RBM15B: variants seen among roughly 807,000 people sequenced by gnomAD.
RBM15B encodes RNA binding motif protein 15B, also known as putative RNA-binding protein 15B.
RBM15B carries 11 observed loss-of-function variants against 53.3 expected under a neutral mutation model. The ratio of observed to expected loss-of-function variants is 0.21; its 90% confidence interval spans 0.13 to 0.34. The LOEUF is 0.34. Among genes scored for constraint, RBM15B ranks in the 10% least tolerant of loss-of-function variants. The probability of loss-of-function intolerance (pLI) is 1.00; values close to 1 mark genes in which losing one functional copy is unlikely to be tolerated. For synonymous variants in RBM15B, 631 were observed against 540.7 expected (o/e 1.17, Z -2.32); for missense variants, 1,136 against 1,250.3 (o/e 0.91, Z 1.38).
rs553512814 is a variant in RBM15B at position 51,396,277 on chromosome 3, C to T, written c.*2205C>T. ...TCAACCTTTGCCTTATCCAACCCCTCTTCAGAGAAAGGTGTCCCATGGCCC... is the reference window on the plus strand; with the variant it reads ...TCAACCTTTGCCTTATCCAACCCCTTTTCAGAGAAAGGTGTCCCATGGCCC... On this transcript the variant is annotated 3_prime_UTR_variant, in exon 1 of 1. Coordinates refer to ENST00000563281, the MANE Select transcript of RBM15B (RefSeq NM_013286.5). 3 of 208,360 alleles carry T rather than the reference C, an allele frequency of 1.4e-5. No homozygotes were observed. In the South Asian group the frequency reaches 5.8e-4, roughly 40 times the overall value. 12.9% of individuals were successfully genotyped at this position (208,360 alleles called of 1,614,324 possible).
chr3:51,393,923 G>A lies in RBM15B; in HGVS notation c.2524G>A (p.Gly842Arg), dbSNP rs782415355. The change falls in exon 1 of 1, where the codon GGG becomes AGG. Residue 842 changes from glycine (G) to arginine (R), a missense_variant. By Grantham distance (125) the Gly-to-Arg change is moderately radical. Coordinates refer to ENST00000563281, the MANE Select transcript of RBM15B (RefSeq NM_013286.5). This position sits in a 1 kb window ranked among gnomAD's most constrained non-coding sequence, Gnocchi z 5.6. ...CGCAGGGGTGATCAGCTTGCCAGTGGGGGGGTCCAAGGGCAGAGACGGCAC... is the reference window on the plus strand; with the variant it reads ...CGCAGGGGTGATCAGCTTGCCAGTGAGGGGGTCCAAGGGCAGAGACGGCAC... ...QAAGVISLPVGGSKGRDGTGM... is the reference protein window; with the variant it reads ...QAAGVISLPVRGSKGRDGTGM... The A allele has an allele frequency of 1.6e-5, 25 of 1,539,256 alleles. No homozygotes were observed. The highest frequency in any genetic ancestry group is 2.2e-5 in the Non-Finnish European group (25 of 1,144,460).
Position 51,393,465 on chromosome 3 carries a change from G to A in RBM15B, c.2066G>A (p.Arg689Gln). Residue 689 changes from arginine to glutamine, a missense_variant, in exon 1 of 1, where the codon CGG becomes CAG. By Grantham distance (43) the Arg-to-Gln change is conservative (BLOSUM62 1). Transcript: ENST00000563281. This position sits in a 1 kb window ranked among gnomAD's most constrained non-coding sequence, Gnocchi z 5.6. The stretch of plus-strand genomic sequence containing the variant: ...GCAAGAGACAGCGAGCGCAATCACC[G>A]GACCACAGAGGCCGAGCCCAAGCCT... ...KKARDSERNH[R>Q]TTEAEPKPLE... The A allele has an allele frequency of 1.9e-6, 3 of 1,613,846 alleles. No homozygotes were observed. The highest frequency in any genetic ancestry group is 2.5e-6 in the Non-Finnish European group (3 of 1,179,946).
At position 51,393,499 on chromosome 3, in the gene RBM15B, G is replaced by C; in HGVS notation, c.2100G>C (p.Glu700Asp). Reference protein sequence around the residue: ...TTEAEPKPLEEPKHETKKLKN... With the variant: ...TTEAEPKPLEDPKHETKKLKN... ...AGGCCGAGCCCAAGCCTCTGGAAGA[G>C]CCAAAACACGAGACCAAAAAGCTGA... is the stretch of plus-strand genomic sequence containing the variant. Residue 700 changes from glutamate (E) to aspartate (D), a missense_variant, in exon 1 of 1, where the codon GAG (glutamate) becomes GAC (aspartate). By Grantham distance (45) the Glu-to-Asp change is conservative. This residue lies in a region of RBM15B where 578 missense variants were observed against 581.6 expected (regional missense o/e 0.99). Transcript: ENST00000563281. This position sits in a 1 kb window ranked among gnomAD's most constrained non-coding sequence, Gnocchi z 5.6. The C allele has an allele frequency of 6.2e-7, 1 of 1,614,102 alleles. No homozygotes were observed.
Position 51,396,067 on chromosome 3 carries a change from A to G in RBM15B, c.*1995A>G, listed in dbSNP as rs566744019. The G allele has an allele frequency of 4.9e-6, 2 of 411,422 alleles. No individual in the cohort carries two copies. Among genetic ancestry groups the G allele is most frequent in the South Asian group, 1.4e-4 (1 of 7,018 alleles). The allele number at this position is 411,422 out of a possible 1,614,324, so 25.5% of individuals were successfully genotyped here. ...GTGGTTTTCCTGCAGCTCTCCAACAAACGCCTGAGTCACAGGCCAGAGCTG... is the reference window on the plus strand; with the variant it reads ...GTGGTTTTCCTGCAGCTCTCCAACAGACGCCTGAGTCACAGGCCAGAGCTG... On this transcript the variant is annotated 3_prime_UTR_variant, in exon 1 of 1. Coordinates refer to ENST00000563281, the MANE Select transcript of RBM15B (RefSeq NM_013286.5).
In RBM15B at chr3:51,392,002, G is replaced by T; in HGVS notation, c.603G>T (p.Leu201=). The T allele has an allele frequency of 5.0e-6, 8 of 1,598,668 alleles. No individual in the cohort carries two copies. Among genetic ancestry groups the T allele is most frequent in the Non-Finnish European group, 5.1e-6 (6 of 1,178,064 alleles). ...QDAREARQHA[L]ARQLLLYDRP... The stretch of plus-strand genomic sequence containing the variant: ...CACGCGAGGCCCGCCAGCACGCCCT[G>T]GCCCGGCAGCTGCTGCTCTACGACC... Residue 201 remains leucine (L), a synonymous_variant, in exon 1 of 1, where the codon CTG becomes CTT. Coordinates refer to ENST00000563281, the MANE Select transcript of RBM15B (RefSeq NM_013286.5). This position sits in a 1 kb window ranked among gnomAD's most constrained non-coding sequence, Gnocchi z 7.5.
rs1553621680 is a variant in RBM15B, at chr3:51,392,161, G to A, written c.762G>A (p.Pro254=). 2.0e-6 allele frequency: 3 copies of A among 1,536,790 alleles called. No individual in the cohort carries two copies. Among genetic ancestry groups the A allele is most frequent in the Admixed American group, 2.0e-5 (1 of 50,920 alleles). Reference sequence around the variant, plus strand: ...CCGCCGACCCGCTCGGCTACCTCCCGCTACACGGAGGCTACCAGTACAAGC... The same window carrying A: ...CCGCCGACCCGCTCGGCTACCTCCCACTACACGGAGGCTACCAGTACAAGC... The part of the protein sequence containing the change: ...PAPADPLGYL[P]LHGGYQYKQR... Residue 254 remains proline, a synonymous_variant, in exon 1 of 1, where the codon CCG becomes CCA. Transcript: ENST00000563281. The surrounding 1 kb of genome is among the most constrained non-coding windows in gnomAD (Gnocchi z 7.5).
rs1297592395 is a variant in RBM15B at position 51,393,239 on chromosome 3, C to T, written c.1840C>T (p.Arg614Trp). The change falls in exon 1 of 1, where the codon CGG becomes TGG. Residue 614 changes from arginine (R) to tryptophan (W), a missense_variant. Coordinates refer to ENST00000563281, the MANE Select transcript of RBM15B (RefSeq NM_013286.5). This position sits in a 1 kb window ranked among gnomAD's most constrained non-coding sequence, Gnocchi z 5.6. Reference sequence around the variant, plus strand: ...GACAACCCATTCACCATATGAGGAACGGAGTAGGACCAAGGGCAGTGGGCA... The same window carrying T: ...GACAACCCATTCACCATATGAGGAATGGAGTAGGACCAAGGGCAGTGGGCA... Reference protein sequence around the residue: ...GRTTHSPYEERSRTKGSGQQS... With the variant: ...GRTTHSPYEEWSRTKGSGQQS... The T allele has an allele frequency of 2.3e-5, 37 of 1,613,592 alleles. No homozygotes were observed. The highest frequency in any genetic ancestry group is 2.7e-5 in the Non-Finnish European group (32 of 1,179,806).
chr3:51,393,138 C>T lies in RBM15B; in HGVS notation c.1739C>T (p.Ala580Val), dbSNP rs140480557. ...AGCCGGAGTGGTGAGCGTTGGGGGG[C>T]AGATGGAGACCGTGGTTTGCCCAAG... ...VRSRSGERWG[A>V]DGDRGLPKPW... The change falls in exon 1 of 1, where the codon GCA becomes GTA. Residue 580 changes from alanine (A) to valine (V), a missense_variant. By Grantham distance (64) the Ala-to-Val change is moderately conservative. Around this residue, in one of 7 missense-constraint regions of RBM15B, gnomAD observed 578 missense variants for 581.6 expected, o/e 0.99. Coordinates refer to ENST00000563281, the MANE Select transcript of RBM15B (RefSeq NM_013286.5). This position sits in a 1 kb window ranked among gnomAD's most constrained non-coding sequence, Gnocchi z 5.6. 1.6e-5 allele frequency: 26 copies of T among 1,613,858 alleles called. No individual in the cohort carries two copies. The highest frequency in any genetic ancestry group is 2.2e-5 in the Non-Finnish European group (26 of 1,179,962).
chr3:51,392,184 A>G lies in RBM15B; in HGVS notation c.785A>G (p.Lys262Arg), dbSNP rs1417884314. ...CCGCTACACGGAGGCTACCAGTACAAGCAGCGCTCGCTGTCCCCCGTCGCT... is the reference window on the plus strand; with the variant it reads ...CCGCTACACGGAGGCTACCAGTACAGGCAGCGCTCGCTGTCCCCCGTCGCT... ...YLPLHGGYQY[K>R]QRSLSPVAAP... Residue 262 changes from lysine (K) to arginine (R), a missense_variant, in exon 1 of 1, where the codon AAG (lysine) becomes AGG (arginine). This residue lies in a region of RBM15B where 204 missense variants were observed against 196.8 expected (regional missense o/e 1.04). Coordinates refer to ENST00000563281, the MANE Select transcript of RBM15B (RefSeq NM_013286.5). The surrounding 1 kb of genome is among the most constrained non-coding windows in gnomAD (Gnocchi z 7.5). The G allele has an allele frequency of 1.3e-5, 20 of 1,540,008 alleles. No individual in the cohort carries two copies. Among genetic ancestry groups the G allele is most frequent in the Non-Finnish European group, 1.7e-5 (20 of 1,147,704 alleles).
Position 51,391,609 on chromosome 3 carries a change from C to T in RBM15B, c.210C>T (p.Gly70=). ...SGSGGGGHRD[G]RGTGDANHRA... ...GCGGCGGGGGCGGGCATCGCGACGG[C>T]CGCGGCACCGGGGACGCGAATCACC... is the stretch of plus-strand genomic sequence containing the variant. Residue 70 remains glycine (G), a synonymous_variant, in exon 1 of 1, where the codon GGC becomes GGT. Transcript: ENST00000563281. This position sits in a 1 kb window ranked among gnomAD's most constrained non-coding sequence, Gnocchi z 4.5. 1 of 1,181,370 alleles carries T rather than the reference C, an allele frequency of 8.5e-7. No homozygotes were observed. The highest frequency in any genetic ancestry group is 1.0e-6 in the Non-Finnish European group (1 of 955,930). 73.2% of individuals were successfully genotyped at this position (1,181,370 alleles called of 1,614,324 possible). A position where few individuals can be genotyped will look rare whatever the true frequency, so the allele number is the denominator to read the frequency against.
chr3:51,397,503 A>G lies in RBM15B; in HGVS notation c.*3431A>G, dbSNP rs1413107866. ...CTTAGCTTTGCCAACTCCATCCTCCAAAACTTCCCAGAATACCTCCCTTTC... is the reference window on the plus strand; with the variant it reads ...CTTAGCTTTGCCAACTCCATCCTCCGAAACTTCCCAGAATACCTCCCTTTC... On this transcript the variant is annotated 3_prime_UTR_variant, in exon 1 of 1. Coordinates refer to ENST00000563281, the MANE Select transcript of RBM15B (RefSeq NM_013286.5). 6.0e-6 allele frequency: 1 copy of G among 167,120 alleles called. No homozygotes were observed. Among genetic ancestry groups the G allele is most frequent in the Non-Finnish European group, 1.5e-5 (1 of 68,136 alleles). The allele number at this position is 167,120 out of a possible 1,614,324, so 10.4% of individuals were successfully genotyped here.
Position 51,392,443 on chromosome 3 carries a change from A to T in RBM15B, c.1044A>T (p.Val348=), listed in dbSNP as rs782034228. ...TCATTGGTAACCTGGACCACAGCGTATCTGAGGTGGAGCTGCGAAGGGCCT... is the reference window on the plus strand; with the variant it reads ...TCATTGGTAACCTGGACCACAGCGTTTCTGAGGTGGAGCTGCGAAGGGCCT... ...NLFIGNLDHS[V]SEVELRRAFE... Residue 348 remains valine (V), a synonymous_variant, in exon 1 of 1, where the codon GTA becomes GTT. Coordinates refer to ENST00000563281, the MANE Select transcript of RBM15B (RefSeq NM_013286.5). This position sits in a 1 kb window ranked among gnomAD's most constrained non-coding sequence, Gnocchi z 7.5. 6.2e-7 allele frequency: 1 copy of T among 1,614,014 alleles called. No individual in the cohort carries two copies. Among genetic ancestry groups the T allele is most frequent in the Non-Finnish European group, 8.5e-7 (1 of 1,180,032 alleles).
Position 51,391,894 on chromosome 3 carries a change from C to T in RBM15B, c.495C>T (p.Arg165=), listed in dbSNP as rs2089043884. Reference sequence around the variant, plus strand: ...ACCGGCTCTTCCACCAGTTCAAGCGCTTCGGCGAGATCAGCCTCCGCCTGT... The same window carrying T: ...ACCGGCTCTTCCACCAGTTCAAGCGTTTCGGCGAGATCAGCCTCCGCCTGT... ...LEDRLFHQFK[R]FGEISLRLSH... is the part of the protein sequence containing the mutation. Residue 165 remains arginine (R), a synonymous_variant, in exon 1 of 1, where the codon CGC becomes CGT. Transcript: ENST00000563281. The surrounding 1 kb of genome is among the most constrained non-coding windows in gnomAD (Gnocchi z 4.5). The T allele has an allele frequency of 2.5e-6, 4 of 1,604,034 alleles. No individual in the cohort carries two copies. Among genetic ancestry groups the T allele is most frequent in the Non-Finnish European group, 3.4e-6 (4 of 1,179,434 alleles).
rs1399931339 is a variant in RBM15B at position 51,392,801 on chromosome 3, G to A, written c.1402G>A (p.Ala468Thr). ...IQYESLDAAQ[A>T]ACAKMRGFPL... Reference sequence around the variant, plus strand: ...GTACGAGAGCTTGGACGCAGCCCAGGCCGCCTGTGCTAAAATGAGGGGTTT... The same window carrying A: ...GTACGAGAGCTTGGACGCAGCCCAGACCGCCTGTGCTAAAATGAGGGGTTT... The change falls in exon 1 of 1, where the codon GCC becomes ACC. Residue 468 changes from alanine (A) to threonine (T), a missense_variant. Transcript: ENST00000563281. This position sits in a 1 kb window ranked among gnomAD's most constrained non-coding sequence, Gnocchi z 7.5. The A allele has an allele frequency of 4.3e-6, 7 of 1,613,990 alleles. No individual in the cohort carries two copies. In the Admixed American group the frequency reaches 1.2e-4, roughly 27 times the overall value.
In RBM15B at chr3:51,396,992, A is replaced by G. The variant is rs1414962075; in HGVS notation, c.*2920A>G. 1 of 167,092 alleles carries G rather than the reference A, an allele frequency of 6.0e-6. No homozygotes were observed. Among genetic ancestry groups the G allele is most frequent in the Non-Finnish European group, 1.5e-5 (1 of 68,130 alleles). The allele number at this position is 167,092 out of a possible 1,614,324, so 10.4% of individuals were successfully genotyped here. On this transcript the variant is annotated 3_prime_UTR_variant, in exon 1 of 1. Transcript: ENST00000563281. ...GAGGACCAAGAAATACCTGTGTGAC[A>G]CAGACCCACTTCAGTGTGTACAGCA...
rs782440918 is a variant in RBM15B at position 51,391,718 on chromosome 3, G to A, written c.319G>A (p.Gly107Ser). The A allele has an allele frequency of 2.3e-5, 33 of 1,421,096 alleles. No homozygotes were observed. The highest frequency in any genetic ancestry group is 5.9e-5 in the East Asian group (2 of 33,742). 88.0% of individuals were successfully genotyped at this position (1,421,096 alleles called of 1,614,324 possible). A position where few individuals can be genotyped will look rare whatever the true frequency, so the allele number is the denominator to read the frequency against. ...GKASGDPGAS[G>S]MSPRASPLPP... Reference sequence around the variant, plus strand: ...GGCCTCGGGGGACCCGGGCGCCTCCGGCATGTCGCCCCGCGCGTCTCCTCT... The same window carrying A: ...GGCCTCGGGGGACCCGGGCGCCTCCAGCATGTCGCCCCGCGCGTCTCCTCT... The change falls in exon 1 of 1, where the codon GGC becomes AGC. Residue 107 changes from glycine (G) to serine (S), a missense_variant. This residue lies in a region of RBM15B where 257 missense variants were observed against 261.1 expected (regional missense o/e 0.98). Transcript: ENST00000563281. This position sits in a 1 kb window ranked among gnomAD's most constrained non-coding sequence, Gnocchi z 4.5.
rs1577027808 is a variant in RBM15B at position 51,397,610 on chromosome 3, G to A, written c.*3538G>A. 1 of 167,124 alleles carries A rather than the reference G, an allele frequency of 6.0e-6. No homozygotes were observed. The highest frequency in any genetic ancestry group is 2.4e-5 in the African/African-American group (1 of 41,460). The allele number at this position is 167,124 out of a possible 1,614,324, so 10.4% of individuals were successfully genotyped here. A position where few individuals can be genotyped will look rare whatever the true frequency, so the allele number is the denominator to read the frequency against. On this transcript the variant is annotated 3_prime_UTR_variant, in exon 1 of 1. Coordinates refer to ENST00000563281, the MANE Select transcript of RBM15B (RefSeq NM_013286.5). ...GAGAGCTGCGTCCACAGGGAACAAA[G>A]CCCTGACCTCTCTCTCCACATTACC...
In RBM15B at chr3:51,392,214, C is replaced by G; in HGVS notation, c.815C>G (p.Pro272Arg). Residue 272 changes from proline (P) to arginine (R), a missense_variant, in exon 1 of 1, where the codon CCG becomes CGG. By Grantham distance (103) the Pro-to-Arg change is moderately radical. Coordinates refer to ENST00000563281, the MANE Select transcript of RBM15B (RefSeq NM_013286.5). This position sits in a 1 kb window ranked among gnomAD's most constrained non-coding sequence, Gnocchi z 7.5. ...KQRSLSPVAA[P>R]PLREPRARHA... ...CGCTCGCTGTCCCCCGTCGCTGCCC[C>G]GCCCCTGCGGGAGCCCCGTGCCCGT... 1.3e-6 allele frequency: 2 copies of G among 1,552,498 alleles called. No homozygotes were observed. Among genetic ancestry groups the G allele is most frequent in the South Asian group, 2.3e-5 (2 of 86,328 alleles).
rs954692495 is a variant in RBM15B, at chr3:51,394,697, G to A, written c.*625G>A. 1 of 167,184 alleles carries A rather than the reference G, an allele frequency of 6.0e-6. No individual in the cohort carries two copies. The highest frequency in any genetic ancestry group is 1.5e-5 in the Non-Finnish European group (1 of 68,156). 10.4% of individuals were successfully genotyped at this position (167,184 alleles called of 1,614,324 possible). ...TCAGCAGCTACTGATGGTTTTTTCT[G>A]CCTTAAACCGTGTGTGTGTCCATCA... On this transcript the variant is annotated 3_prime_UTR_variant, in exon 1 of 1. Coordinates refer to ENST00000563281, the MANE Select transcript of RBM15B (RefSeq NM_013286.5).
Sources: allele counts gnomAD v4.1 joint callset, GRCh38; gene constraint gnomAD v4.1.1; regional missense constraint gnomAD v4.1.1; non-coding constraint Gnocchi (gnomAD v3.1); transcripts MANE v1.5; gene names NCBI Gene and HGNC (gene_info 2026-07-23, HGNC 2026-07-21).